USP45: variants seen among roughly 807,000 people sequenced by gnomAD.
USP45 encodes the protein ubiquitin specific peptidase 45.
Under a neutral mutation model 95.8 loss-of-function variants are expected in USP45, and 89 were observed. That is an observed-to-expected ratio of 0.93 (90% CI 0.78 to 1.11). USP45 has a LOEUF of 1.11. Ranked by LOEUF, USP45 falls within the 50% of genes least tolerant of loss-of-function variation. USP45 has a pLI of 0.00. For synonymous variants in USP45, 281 were observed against 316.2 expected (o/e 0.89, Z 1.18); for missense variants, 898 against 942.5 (o/e 0.95, Z 0.62).
Position 99,434,962 on chromosome 6 carries a change from C to G in USP45, c.*754G>C, listed in dbSNP as rs1430608059. The G allele has an allele frequency of 1.3e-5, 2 of 152,366 alleles. No individual in the cohort carries two copies. Among genetic ancestry groups the G allele is most frequent in the African/African-American group, 4.8e-5 (2 of 41,432 alleles). The allele number at this position is 152,366 out of a possible 1,614,324, so 9.4% of individuals were successfully genotyped here. ...ATGCCTCAATATAATTCTAGTTTTTCAAAACCTCAAGGTAATAAGCTAACC... is the reference window on the plus strand; with the variant it reads ...ATGCCTCAATATAATTCTAGTTTTTGAAAACCTCAAGGTAATAAGCTAACC... On this transcript the variant is annotated 3_prime_UTR_variant, in exon 18 of 18. Coordinates refer to ENST00000500704, the MANE Select transcript of USP45 (RefSeq NM_001346022.3).
chr6:99,485,000 C>T (rs1337698458), intron 7 of USP45, among the ~76,000 whole-genome samples: 4 of 151,692 alleles, frequency 2.6e-5, no homozygotes, highest in Admixed American at 2.0e-4. Flanking sequence ...AATAAAAAAC[C>T]TTCAGAATGA....
At chr6:99,475,319 T>A (rs1378440152) in intron 9 of USP45, among the ~76,000 whole-genome samples, 1 of 756 alleles carries the variant, frequency 1.3e-3, no homozygotes, top group Non-Finnish European at 9.8e-3. Context: ...TAAGATTCCT[T>A]TTTTTTTTTT....
At chr6:99,459,554 T>C (rs962357450) in intron 13 of USP45, among the ~76,000 whole-genome samples, 1 of 152,210 alleles carries the variant, frequency 6.6e-6, no homozygotes. Context: ...CTTTGAGGAA[T>C]AGCCACACTG....
chr6:99,485,780 G>A (rs942284933), intron 7 of USP45, among the ~76,000 whole-genome samples: 5 of 152,272 alleles, frequency 3.3e-5, no homozygotes, highest in Admixed American at 3.3e-4. Flanking sequence ...CAGCATATAA[G>A]CATATCATAA....
At chr6:99,448,939 G>A (rs1012016925) in intron 13 of USP45, among the ~76,000 whole-genome samples, 4 of 152,136 alleles carry the variant, frequency 2.6e-5, no homozygotes, top group East Asian at 1.9e-4. Flanking sequence ...ATAAGTGAAC[G>A]AGAAATAAAA....
In USP45 at chr6:99,473,764, A is replaced by C. The variant is rs539645933; in HGVS notation, c.933+2379T>G. Among the ~76,000 whole-genome samples the C allele has an allele frequency of 2.4e-3, 342 of 145,116 alleles. 6 individuals are homozygous for C. Among genetic ancestry groups the C allele is most frequent in the African/African-American group, 7.4e-3 (296 of 39,794 alleles). On this transcript the variant is annotated intron_variant, in intron 9 of 17. Transcript: ENST00000500704. ...AGTGAGACCCTGTCTCAAAAAAAAAACAAAAAAAACAAAACACACACACAC... is the reference window on the plus strand; with the variant it reads ...AGTGAGACCCTGTCTCAAAAAAAAACCAAAAAAAACAAAACACACACACAC...
Position 99,507,673 on chromosome 6 carries a change from T to C in USP45, c.274-142A>G, listed in dbSNP as rs558512973. On this transcript the variant is annotated intron_variant, in intron 3 of 17. Coordinates refer to ENST00000500704, the MANE Select transcript of USP45 (RefSeq NM_001346022.3). ...AGGAGAAAGTTTCAAAAAAGTAATATGGATTCTCATTAAATTTAATTTCTT... is the reference window on the plus strand; with the variant it reads ...AGGAGAAAGTTTCAAAAAAGTAATACGGATTCTCATTAAATTTAATTTCTT... 63 of 596,110 alleles carry C rather than the reference T, an allele frequency of 1.1e-4. No homozygotes were observed. In the East Asian group the frequency reaches 1.7e-3, roughly 16 times the overall value. 36.9% of individuals were successfully genotyped at this position (596,110 alleles called of 1,614,324 possible). A position where few individuals can be genotyped will look rare whatever the true frequency, so the allele number is the denominator to read the frequency against.
At chr6:99,517,606 T>TG (rs1801190684), upstream of USP45, among the ~76,000 whole-genome samples, 1 of 150,724 alleles carries the variant, frequency 6.6e-6, no homozygotes, top group Non-Finnish European at 1.5e-5. Flanking sequence ...AGCTAATTTT[T>TG]TTTTTTTTTT....
chr6:99,443,151 A>C (rs1257099019), intron 15 of USP45, among the ~76,000 whole-genome samples: 2 of 152,074 alleles, frequency 1.3e-5, no homozygotes. Flanking sequence ...CGGGAAGTGG[A>C]GGTTGCAGTG....
At chr6:99,452,622 T>C (rs1784140990) in intron 13 of USP45, among the ~76,000 whole-genome samples, 2 of 152,224 alleles carry the variant, frequency 1.3e-5, no homozygotes, top group Admixed American at 6.5e-5. Flanking sequence ...AGCGTGGCTA[T>C]TCCTCAAGGA....
intron 7 of USP45, among the ~76,000 whole-genome samples, chr6:99,484,308 C>T (rs1045559267): frequency 2.0e-5 from 3 of 151,368 alleles, no homozygotes; most frequent in South Asian, 4.2e-4. Flanking sequence ...GCTGGGACTA[C>T]AGATGAATGC....
At chr6:99,511,392 A>G (rs1799751875) in intron 1 of USP45, among the ~76,000 whole-genome samples, 1 of 151,926 alleles carries the variant, frequency 6.6e-6, no homozygotes, top group Non-Finnish European at 1.5e-5. Context: ...TGACCTCGTG[A>G]TCCGCCCACC....
intron 9 of USP45, among the ~76,000 whole-genome samples, chr6:99,471,213 A>G (rs1225367051): frequency 6.6e-6 from 1 of 152,202 alleles, no homozygotes; most frequent in Non-Finnish European, 1.5e-5. Flanking sequence ...AGTTGAGGAA[A>G]ATAAATGAGT....
intron 13 of USP45, chr6:99,461,626 G>A (rs1786490786): frequency 1.0e-6 from 1 of 983,996 alleles, no homozygotes; most frequent in Non-Finnish European, 1.2e-6. Context: ...CTATTTTTAT[G>A]TAATTATTTT....
chr6:99,490,698 G>C (rs533173189), intron 5 of USP45, among the ~76,000 whole-genome samples: 3 of 152,000 alleles, frequency 2.0e-5, no homozygotes, highest in Non-Finnish European at 2.9e-5. Flanking sequence ...TTAAACAGCA[G>C]AACTAGTGGG....
At position 99,476,233 on chromosome 6, in the gene USP45, G is replaced by C. The variant is rs753887309; in HGVS notation, c.846-3C>G. 2 of 1,613,196 alleles carry C rather than the reference G, an allele frequency of 1.2e-6. No individual in the cohort carries two copies. Among genetic ancestry groups the C allele is most frequent in the Non-Finnish European group, 1.7e-6 (2 of 1,179,398 alleles). On this transcript the variant is annotated splice_region_variant and splice_polypyrimidine_tract_variant and intron_variant, in intron 8 of 17. Transcript: ENST00000500704. Reference sequence around the variant, plus strand: ...GGAAATCTTTAAATCGAGGTGCCCTGTGATTTAAAAACAAAAGAGGAAAGA... The same window carrying C: ...GGAAATCTTTAAATCGAGGTGCCCTCTGATTTAAAAACAAAAGAGGAAAGA...
chr6:99,510,341 G>A, intron 1 of USP45, 111 bp from the exon 2 acceptor site: 1 of 670,764 alleles, frequency 1.5e-6, no homozygotes, highest in Non-Finnish European at 2.5e-6. Context: ...AACTGGTCCG[G>A]GAAATCAACA....
intron 1 of USP45, among the ~76,000 whole-genome samples, chr6:99,513,238 C>G (rs1050600473): frequency 1.3e-5 from 2 of 152,270 alleles, no homozygotes; most frequent in South Asian, 2.1e-4. Context: ...GGGAGAAAGT[C>G]TCTTAAGAAA....
chr6:99,452,181 G>T (rs1207627768), intron 13 of USP45, among the ~76,000 whole-genome samples: 2 of 152,136 alleles, frequency 1.3e-5, no homozygotes, highest in Non-Finnish European at 2.9e-5. Flanking sequence ...TTGACAAATG[G>T]GATCTAATTA....
Sources: gnomAD v4.1 joint callset for allele counts (sites outside exome capture counted in the v4.1 genomes callset) on GRCh38, gnomAD v4.1.1 for gene constraint, MANE v1.5 for transcripts, NCBI Gene and HGNC (gene_info 2026-07-23, HGNC 2026-07-21) for gene names.